Variants in DIS3 observed in about 807,000 individuals in gnomAD.
DIS3 encodes the protein exosome complex exonuclease RRP44.
In DIS3, 103 loss-of-function variants were observed where a neutral mutation model predicts 113.0. The ratio of observed to expected loss-of-function variants is 0.91; its 90% CI spans 0.78 to 1.07. The LOEUF (loss-of-function observed/expected upper bound fraction) is 1.07. Ranked by LOEUF, DIS3 falls within the 50% of genes least tolerant of loss-of-function variation. The probability of loss-of-function intolerance (pLI) is 0.00; values close to 1 mark genes in which losing one functional copy is unlikely to be tolerated. For synonymous variants in DIS3, 402 were observed against 394.3 expected, an observed-to-expected ratio of 1.02 and a Z score of -0.23; for missense variants, 1,121 against 1,167.1, an observed-to-expected ratio of 0.96 and a Z score of 0.58.
At chr13:72,768,086 A>G (rs1347792743) in intron 14 of DIS3, among the ~76,000 whole-genome samples, 1 of 152,232 alleles carries the variant, frequency 6.6e-6, no homozygotes, top group East Asian at 1.9e-4. Context: ...AATTGCCTAA[A>G]AAATGAGGAG....
chr13:72,768,706 A>T (rs1304799954), intron 14 of DIS3, 79 bp downstream of exon 14: 9 of 1,139,312 alleles, frequency 7.9e-6, no homozygotes, highest in African/African-American at 1.6e-5. Flanking sequence ...TCACCCTTTT[A>T]AATAATTCAT....
intron 2 of DIS3, 151 bp downstream of exon 2, chr13:72,780,695 G>C (rs1398140980): frequency 1.3e-6 from 1 of 795,510 alleles, no homozygotes; most frequent in African/African-American, 1.8e-5. Context: ...GATCCACTTA[G>C]CATTATCTTC....
At chr13:72,764,669 T>C (rs983693659) in intron 15 of DIS3, among the ~76,000 whole-genome samples, 1 of 152,238 alleles carries the variant, frequency 6.6e-6, no homozygotes, top group Non-Finnish European at 1.5e-5. Flanking sequence ...CAGTGCTTTC[T>C]GTCTTGCAAG....
chr13:72,772,883 A>G, intron 8 of DIS3, 44 bp from the exon 9 acceptor site: 1 of 1,532,768 alleles, frequency 6.5e-7, no homozygotes. Flanking sequence ...TTTATAGCAA[A>G]TTTACATCTT....
chr13:72,771,188 C>CCTCA, intron 11 of DIS3, 43 bp from the exon 12 acceptor site: 3 of 1,498,832 alleles, frequency 2.0e-6, no homozygotes, highest in Non-Finnish European at 2.8e-6. Flanking sequence ...TTAGCCATAA[C>CCTCA]CATACATTTA....
chr13:72,768,738 G>T (rs1421417315), intron 14 of DIS3, 47 bp downstream of exon 14: 1 of 1,403,448 alleles, frequency 7.1e-7, no homozygotes, highest in East Asian at 2.4e-5. Flanking sequence ...ATCAAACAAT[G>T]TAAAGAGTAT....
At chr13:72,765,635 C>T (rs771491221) in intron 15 of DIS3, among the ~76,000 whole-genome samples, 22 of 152,272 alleles carry the variant, frequency 1.4e-4, no homozygotes, top group Middle Eastern at 6.8e-3. Context: ...AGCCCAGGGG[C>T]TGGGAACCCC....
At chr13:72,777,370 A>C (rs1403782783) in intron 4 of DIS3, 50 bp downstream of exon 4, 2 of 1,567,368 alleles carry the variant, frequency 1.3e-6, no homozygotes, top group East Asian at 2.3e-5. Flanking sequence ...TAATATTCCA[A>C]AGTGGCTATT....
chr13:72,762,288 C>T (rs2033646114), intron 16 of DIS3, 151 bp from the exon 17 acceptor site: 1 of 687,498 alleles, frequency 1.5e-6, no homozygotes, highest in Admixed American at 2.8e-5. Flanking sequence ...AGAAACAAAA[C>T]TGTACTGGTC....
At chr13:72,777,556 A>G in intron 3 of DIS3, 63 bp from the exon 4 acceptor site, 2 of 1,417,358 alleles carry the variant, frequency 1.4e-6, no homozygotes, top group Non-Finnish European at 2.0e-6. Flanking sequence ...AAAAAAATGG[A>G]TAGTCTTGTT....
intron 14 of DIS3, among the ~76,000 whole-genome samples, chr13:72,766,554 G>A (rs1052781159): frequency 1.1e-4 from 16 of 152,138 alleles, no homozygotes; most frequent in Admixed American, 9.2e-4. Context: ...CAAAAGAGAA[G>A]CAACTGATAA....
chr13:72,771,154 G>C lies in DIS3; in HGVS notation c.1606-9C>G. 1 of 1,610,230 alleles carries C rather than the reference G, an allele frequency of 6.2e-7. No individual in the cohort carries two copies. Among genetic ancestry groups the C allele is most frequent in the Non-Finnish European group, 8.5e-7 (1 of 1,177,422 alleles). On this transcript the variant is annotated splice_polypyrimidine_tract_variant and intron_variant, in intron 11 of 20. Coordinates refer to ENST00000377767, the MANE Select transcript of DIS3 (RefSeq NM_014953.5). ...GGAACCATGTCAATCCTCTGCAAAAGATAAAAATAGAACCACAGATTACTT... is the reference window on the plus strand; with the variant it reads ...GGAACCATGTCAATCCTCTGCAAAACATAAAAATAGAACCACAGATTACTT...
intron 13 of DIS3, 65 bp from the exon 14 acceptor site, chr13:72,768,977 C>T: frequency 9.4e-7 from 1 of 1,062,852 alleles, no homozygotes. Flanking sequence ...TCAATATGTC[C>T]TCCTACTTTC....
Position 72,753,868 on chromosome 13 carries a change from TATA to T in DIS3, c.*5924_*5926del. ...AGCTTAATATTGTTTAGATTAGAAA[TATA>T]AAATAATTTTGATTATTAGACAATA... On this transcript the variant is annotated 3_prime_UTR_variant, in exon 21 of 21. Transcript: ENST00000377767. 1 of 1,516,424 alleles carries T rather than the reference TATA, an allele frequency of 6.6e-7. No homozygotes were observed. The highest frequency in any genetic ancestry group is 9.0e-7 in the Non-Finnish European group (1 of 1,111,420). The allele number at this position is 1,516,424 out of a possible 1,614,324, so 93.9% of individuals were successfully genotyped here. A position where few individuals can be genotyped will look rare whatever the true frequency, so the allele number is the denominator to read the frequency against.
intron 13 of DIS3, 115 bp downstream of exon 13, chr13:72,770,789 A>G: frequency 2.2e-6 from 1 of 458,414 alleles, no homozygotes; most frequent in East Asian, 3.8e-5. Context: ...ATATATAAAT[A>G]TTTTTATATA....
chr13:72,766,283 C>A (rs1002550361), intron 14 of DIS3, among the ~76,000 whole-genome samples: 3 of 152,128 alleles, frequency 2.0e-5, no homozygotes, highest in African/African-American at 7.2e-5. Flanking sequence ...CAAGAGAGGA[C>A]GATAGCAACA....
chr13:72,771,163 A>G lies in DIS3; in HGVS notation c.1606-18T>C, dbSNP rs1159808334. ...TCAATCCTCTGCAAAAGATAAAAAT[A>G]GAACCACAGATTACTTAGCCATAAC... On this transcript the variant is annotated intron_variant, in intron 11 of 20. Transcript: ENST00000377767. 6.2e-7 allele frequency: 1 copy of G among 1,603,290 alleles called. No individual in the cohort carries two copies. Among genetic ancestry groups the G allele is most frequent in the African/African-American group, 1.3e-5 (1 of 74,638 alleles).
Position 72,772,766 on chromosome 13 carries a change from T to C in DIS3, c.1313A>G (p.Asp438Gly). ...CTGTGAAAAAGGCTGATGGGGAACA[T>C]CGTGTTCAAGTAACAAAACTTCTGT... ...TETEVLLLEH[D>G]VPHQPFSQAV... Residue 438 changes from aspartate to glycine, a missense_variant, in exon 9 of 21, where the codon GAT becomes GGT. Around this residue, in one of 3 missense-constraint regions of DIS3, gnomAD observed 861 missense variants for 915.5 expected, o/e 0.94. Coordinates refer to ENST00000377767, the MANE Select transcript of DIS3 (RefSeq NM_014953.5). The C allele has an allele frequency of 6.2e-7, 1 of 1,613,488 alleles. No individual in the cohort carries two copies. The highest frequency in any genetic ancestry group is 8.5e-7 in the Non-Finnish European group (1 of 1,179,874).
intron 6 of DIS3, among the ~76,000 whole-genome samples, 169 bp downstream of exon 6, chr13:72,775,042 A>G (rs1443607636): frequency 6.6e-6 from 1 of 152,202 alleles, no homozygotes; most frequent in African/African-American, 2.4e-5. Context: ...TAAGACAATA[A>G]AAGAAAACTA....
Sources: gnomAD v4.1 joint callset for allele counts (sites outside exome capture counted in the v4.1 genomes callset) on GRCh38, gnomAD v4.1.1 for gene constraint, gnomAD v4.1.1 regional missense constraint, MANE v1.5 for transcripts, NCBI Gene and HGNC (gene_info 2026-07-23, HGNC 2026-07-21) for gene names.